The following KAT6B variants were observed in gnomAD, a reference collection of about 807,000 sequenced individuals.
KAT6B encodes the protein lysine acetyltransferase 6B, also known as histone acetyltransferase KAT6B.
In KAT6B, 10 loss-of-function variants were observed where a neutral mutation model predicts 187.5. That is an observed-to-expected ratio of 0.05 (90% CI 0.03 to 0.09). The LOEUF is 0.09. Among genes scored for constraint, KAT6B ranks in the 10% least tolerant of loss-of-function variants. The pLI is 1.00. For synonymous variants in KAT6B, 861 were observed against 926.8 expected (o/e 0.93, Z 1.29); for missense variants, 1,952 against 2,558.9 (o/e 0.76, Z 5.12).
intron 3 of KAT6B, among the ~76,000 whole-genome samples, chr10:74,920,645 A>G (rs912884845): frequency 6.6e-6 from 1 of 151,928 alleles, no homozygotes; most frequent in African/African-American, 2.4e-5. Flanking sequence ...CCTGTCTGCT[A>G]TTTCTTTACC....
intron 3 of KAT6B, among the ~76,000 whole-genome samples, chr10:74,865,426 G>T (rs1404249879): frequency 6.6e-6 from 1 of 151,742 alleles, no homozygotes; most frequent in Non-Finnish European, 1.5e-5. Flanking sequence ...CCTCTCTACT[G>T]CCTTCAAGCC....
At chr10:74,853,075 T>C (rs914535532) in intron 3 of KAT6B, among the ~76,000 whole-genome samples, 7 of 152,008 alleles carry the variant, frequency 4.6e-5, no homozygotes, top group Non-Finnish European at 8.8e-5. Flanking sequence ...ATATTCTTTT[T>C]ATATGTTTTA....
rs370028079 is a variant in KAT6B at position 74,843,138 on chromosome 10, G to A, written c.281G>A (p.Gly94Glu). ...GGCACTTTTCCTAAGTCAGCCAAGG[G>A]GTCTAGAGGATCATGTAATGATCTC... The part of the protein sequence containing the change: ...KPGTFPKSAK[G>E]SRGSCNDLRN... Residue 94 changes from glycine to glutamate, a missense_variant, in exon 3 of 18, where the codon GGG becomes GAG. Transcript: ENST00000287239. 18 of 1,614,038 alleles carry A rather than the reference G, an allele frequency of 1.1e-5. No individual in the cohort carries two copies. The highest frequency in any genetic ancestry group is 1.0e-4 in the Admixed American group (6 of 60,010).
chr10:75,022,169 G>A lies in KAT6B; in HGVS notation c.3310G>A (p.Glu1104Lys), dbSNP rs1369563772. Residue 1104 changes from glutamate to lysine, a missense_variant, in exon 16 of 18, where the codon GAA becomes AAA. Coordinates refer to ENST00000287239, the MANE Select transcript of KAT6B (RefSeq NM_012330.4). ...AGAGGAAGAAGAAGAAGAAGAAGAA[G>A]AAAATATTCAAAGCTCTCCCCCAAG... ...EEEEEEEEEE[E>K]NIQSSPPRLT... 3.1e-6 allele frequency: 5 copies of A among 1,600,108 alleles called. No individual in the cohort carries two copies. Among genetic ancestry groups the A allele is most frequent in the Middle Eastern group, 1.7e-4 (1 of 6,058 alleles).
At chr10:74,854,829 C>T (rs147385293) in intron 3 of KAT6B, among the ~76,000 whole-genome samples, 49 of 152,288 alleles carry the variant, frequency 3.2e-4, no homozygotes, top group African/African-American at 1.1e-3. Flanking sequence ...ACAGCATAGG[C>T]GTACACAGAA....
intron 3 of KAT6B, among the ~76,000 whole-genome samples, chr10:74,848,528 C>G (rs148328756): frequency 2.0e-5 from 3 of 150,048 alleles, no homozygotes; most frequent in East Asian, 2.0e-4. Context: ...AGAACAACAA[C>G]AACAACAACA....
intron 3 of KAT6B, among the ~76,000 whole-genome samples, chr10:74,895,498 G>C (rs1232727830): frequency 1.3e-5 from 2 of 151,992 alleles, no homozygotes; most frequent in Non-Finnish European, 2.9e-5. Context: ...TAAAAAGCTT[G>C]AATTAATTCC....
intron 1 of KAT6B, among the ~76,000 whole-genome samples, chr10:74,836,746 G>T (rs1024097104): frequency 2.0e-5 from 3 of 152,140 alleles, no homozygotes; most frequent in Admixed American, 6.6e-5. Flanking sequence ...ATAAGTCAAG[G>T]TCCCTTCCCC....
At chr10:75,004,926 G>T (rs1445533112) in intron 13 of KAT6B, among the ~76,000 whole-genome samples, 1 of 152,046 alleles carries the variant, frequency 6.6e-6, no homozygotes, top group Non-Finnish European at 1.5e-5. Context: ...TGTTGCCCAG[G>T]CTGGTTTCCA....
intron 3 of KAT6B, among the ~76,000 whole-genome samples, chr10:74,877,745 CAAAT>C (rs767879080): frequency 1.1e-4 from 17 of 151,992 alleles, no homozygotes; most frequent in Non-Finnish European, 2.2e-4. Context: ...TTCTTATTGT[CAAAT>C]AAAGAAGCAT....
intron 3 of KAT6B, among the ~76,000 whole-genome samples, chr10:74,876,525 C>G (rs1844425214): frequency 6.6e-6 from 1 of 151,992 alleles, no homozygotes; most frequent in Non-Finnish European, 1.5e-5. Context: ...CCTTTTATTC[C>G]AGGACAAAAT....
intron 8 of KAT6B, chr10:74,976,996 A>C (rs1842203722): frequency 3.3e-6 from 1 of 305,790 alleles, no homozygotes; most frequent in African/African-American, 2.2e-5. Context: ...GATAATGGGA[A>C]TGCTATAACT....
rs116829073 is a variant in KAT6B, at chr10:75,012,738, C to T, written c.2630-7844C>T. ...GACTGACATGCAGAATGACCAACCCCGCAAGGGAGTCCACACCTACCCACA... is the reference window on the plus strand; with the variant it reads ...GACTGACATGCAGAATGACCAACCCTGCAAGGGAGTCCACACCTACCCACA... On this transcript the variant is annotated intron_variant, in intron 13 of 17. Coordinates refer to ENST00000287239, the MANE Select transcript of KAT6B (RefSeq NM_012330.4). Among the ~76,000 whole-genome samples the T allele has an allele frequency of 6.1e-3, 922 of 152,282 alleles. 5 individuals carry two copies. Among genetic ancestry groups the T allele is most frequent in the African/African-American group, 0.021 (857 of 41,550 alleles).
chr10:74,830,577 T>A (rs1840677112), intron 1 of KAT6B, among the ~76,000 whole-genome samples: 1 of 151,158 alleles, frequency 6.6e-6, no homozygotes, highest in Non-Finnish European at 1.5e-5. Flanking sequence ...ACCAAACTCT[T>A]CTAAAGTATT....
chr10:74,843,859 A>AC (rs2132080364), intron 3 of KAT6B, among the ~76,000 whole-genome samples: 2 of 152,288 alleles, frequency 1.3e-5, no homozygotes, highest in African/African-American at 4.8e-5. Context: ...AGAAGAATCT[A>AC]CAGACTTCTT....
intron 3 of KAT6B, among the ~76,000 whole-genome samples, chr10:74,884,026 GGC>G (rs1845054294): frequency 6.6e-6 from 1 of 152,152 alleles, no homozygotes; most frequent in Admixed American, 6.5e-5. Flanking sequence ...AAGAGACACT[GGC>G]ATTTCATGGA....
At chr10:74,841,714 C>T (rs940462623) in intron 2 of KAT6B, among the ~76,000 whole-genome samples, 1 of 152,156 alleles carries the variant, frequency 6.6e-6, no homozygotes, top group Non-Finnish European at 1.5e-5. Context: ...TGAGCACACT[C>T]TGTACAGTTT....
chr10:74,825,554 G>C (rs1185451756), upstream of KAT6B: 2 of 158,772 alleles, frequency 1.3e-5, no homozygotes, highest in African/African-American at 4.8e-5. This position sits in a 1 kb window ranked among gnomAD's most constrained non-coding sequence, Gnocchi z 5.0. Context: ...CGGGCGGGGG[G>C]AGCGCGGCGC....
chr10:74,950,318 G>A (rs11001217), intron 3 of KAT6B, among the ~76,000 whole-genome samples: 4,912 of 152,248 alleles, frequency 0.032, 203 homozygotes, highest in East Asian at 0.17. Flanking sequence ...GTTCTACCCC[G>A]AAGGATGTGA....
Sources: gnomAD v4.1 joint callset for allele counts (sites outside exome capture counted in the v4.1 genomes callset) on GRCh38, gnomAD v4.1.1 for gene constraint, Gnocchi (gnomAD v3.1) non-coding constraint, MANE v1.5 for transcripts, NCBI Gene and HGNC (gene_info 2026-07-23, HGNC 2026-07-21) for gene names.